The following SMOC1 variants were observed in gnomAD, a reference collection of about 807,000 sequenced individuals.
SMOC1 encodes the protein SPARC related modular calcium binding 1, also known as SPARC-related modular calcium-binding protein 1.
SMOC1 carries 22 observed loss-of-function variants against 56.3 expected under a neutral mutation model. The observed-to-expected ratio is 0.39, with a 90% confidence interval of 0.28 to 0.56. The LOEUF is 0.56. SMOC1 is among the 20% of genes least tolerant of loss of function. SMOC1 has a pLI of 0.61. For missense variants in SMOC1, 509 were observed against 565.4 expected, an observed-to-expected ratio of 0.90 and a Z score of 1.01; for synonymous variants, 193 against 215.0, an observed-to-expected ratio of 0.90 and a Z score of 0.89.
chr14:69,897,748 A>G (rs902579074), intron 1 of SMOC1, among the ~76,000 whole-genome samples: 46 of 152,298 alleles, frequency 3.0e-4, no homozygotes, highest in African/African-American at 9.6e-4. Flanking sequence ...TATTTAACTT[A>G]TATGTAAGCT....
chr14:69,936,355 G>A (rs1343282703), intron 1 of SMOC1, among the ~76,000 whole-genome samples: 1 of 152,244 alleles, frequency 6.6e-6, no homozygotes, highest in African/African-American at 2.4e-5. Flanking sequence ...GGGAGACTAC[G>A]TGGTGAGGAT....
intron 7 of SMOC1, among the ~76,000 whole-genome samples, chr14:69,998,183 G>A (rs753812871): frequency 6.6e-6 from 1 of 152,094 alleles, no homozygotes; most frequent in Non-Finnish European, 1.5e-5. Flanking sequence ...AGTCAGTGTC[G>A]CCTTTTGAGT....
chr14:69,992,302 C>G (rs574634009), intron 5 of SMOC1, 115 bp from the exon 6 acceptor site: 6 of 918,022 alleles, frequency 6.5e-6, no homozygotes, highest in Admixed American at 1.9e-5. Context: ...GTTCTCTTCA[C>G]TGGGACTTGG....
chr14:69,891,216 G>A (rs1417917622), intron 1 of SMOC1, among the ~76,000 whole-genome samples: 1 of 152,202 alleles, frequency 6.6e-6, no homozygotes, highest in African/African-American at 2.4e-5. Flanking sequence ...AGTGATGAAT[G>A]CTGTGTGGAG....
At chr14:69,993,948 C>T (rs973819895) in intron 6 of SMOC1, among the ~76,000 whole-genome samples, 5 of 152,330 alleles carry the variant, frequency 3.3e-5, no homozygotes, top group Middle Eastern at 3.4e-3. Flanking sequence ...GATTGAAGCA[C>T]ACATGAGACG....
chr14:70,024,655 T>A (rs1885857162), intron 11 of SMOC1, among the ~76,000 whole-genome samples: 1 of 151,888 alleles, frequency 6.6e-6, no homozygotes, highest in Non-Finnish European at 1.5e-5. Flanking sequence ...AAGGAAACAG[T>A]TTTCAATGAG....
chr14:70,001,629 G>T (rs1435475577), intron 7 of SMOC1, among the ~76,000 whole-genome samples: 2 of 152,196 alleles, frequency 1.3e-5, no homozygotes, highest in East Asian at 1.9e-4. Flanking sequence ...TTGAGGAGAC[G>T]GGTCATTCAC....
In SMOC1 at chr14:69,925,454, A is replaced by G. The variant is rs146266437; in HGVS notation, c.100-26684A>G. Among the ~76,000 whole-genome samples, 1,415 of 152,158 alleles carry G rather than the reference A, an allele frequency of 9.3e-3. 13 individuals carry two copies. Among genetic ancestry groups the G allele is most frequent in the Non-Finnish European group, 0.015 (1,029 of 67,980 alleles). ...GTGCTCAAATGTCACCTCCTCCCCTAGAGTCTCTTTGCAATCACAGGATCC... is the reference window on the plus strand; with the variant it reads ...GTGCTCAAATGTCACCTCCTCCCCTGGAGTCTCTTTGCAATCACAGGATCC... On this transcript the variant is annotated intron_variant, in intron 1 of 11. Coordinates refer to ENST00000361956, the MANE Select transcript of SMOC1 (RefSeq NM_001034852.3).
chr14:69,894,041 T>G (rs901126064), intron 1 of SMOC1, among the ~76,000 whole-genome samples: 1 of 152,162 alleles, frequency 6.6e-6, no homozygotes, highest in Admixed American at 6.5e-5. Context: ...ATCTTGAACT[T>G]CCAGCTTCAG....
At chr14:69,977,769 C>A (rs1884021630) in intron 4 of SMOC1, 149 bp from the exon 5 acceptor site, 4 of 724,200 alleles carry the variant, frequency 5.5e-6, no homozygotes, top group Admixed American at 2.0e-5. Flanking sequence ...TGTATATGTA[C>A]TAACATTGTA....
intron 5 of SMOC1, 25 bp from the exon 6 acceptor site, chr14:69,992,392 C>T (rs1009189229): frequency 6.8e-6 from 11 of 1,613,212 alleles, no homozygotes; most frequent in African/African-American, 5.3e-5. Flanking sequence ...AGTCTCCTTT[C>T]GATTCTTTTT....
intron 9 of SMOC1, among the ~76,000 whole-genome samples, chr14:70,012,920 G>T (rs763452297): frequency 1.3e-5 from 2 of 152,154 alleles, no homozygotes; most frequent in Non-Finnish European, 2.9e-5. Flanking sequence ...TGGATCTGGT[G>T]GTAGGTGTAC....
chr14:69,887,098 A>T (rs1369324641), intron 1 of SMOC1, among the ~76,000 whole-genome samples: 1 of 152,228 alleles, frequency 6.6e-6, no homozygotes, highest in African/African-American at 2.4e-5. Context: ...GGGAGGGCAG[A>T]TGAGTAAACT....
chr14:70,028,975 TCTC>T (rs1202548819), intron 11 of SMOC1, among the ~76,000 whole-genome samples: 1 of 152,148 alleles, frequency 6.6e-6, no homozygotes, highest in African/African-American at 2.4e-5. Flanking sequence ...CAAAGCCCTT[TCTC>T]CTCCTCCATG....
chr14:69,941,880 A>G (rs944992148), intron 1 of SMOC1, among the ~76,000 whole-genome samples: 3 of 152,250 alleles, frequency 2.0e-5, no homozygotes, highest in East Asian at 1.9e-4. Context: ...TCCCTGAGAA[A>G]TTCTCCTGGA....
chr14:69,978,137 C>A, intron 5 of SMOC1, 172 bp downstream of exon 5: 1 of 684,504 alleles, frequency 1.5e-6, no homozygotes, highest in Non-Finnish European at 2.7e-6. Flanking sequence ...AAGTAAGGCT[C>A]ATACAGTGAT....
In SMOC1 at chr14:70,011,500, T is replaced by C; in HGVS notation, c.873T>C (p.Ser291=). The C allele has an allele frequency of 2.0e-6, 3 of 1,514,624 alleles. No individual in the cohort carries two copies. Among genetic ancestry groups the C allele is most frequent in the Non-Finnish European group, 1.8e-6 (2 of 1,118,770 alleles). The allele number at this position is 1,514,624 out of a possible 1,614,324, so 93.8% of individuals were successfully genotyped here. Residue 291 remains serine, a synonymous_variant, in exon 9 of 12, where the codon AGT becomes AGC. Coordinates refer to ENST00000361956, the MANE Select transcript of SMOC1 (RefSeq NM_001034852.3). ...PGTSTRYVMP[S]CESDARAKTT... Reference sequence around the variant, plus strand: ...CTTTTCCCAGCTACGTGATGCCCAGTTGTGAGAGCGACGCCAGGGCCAAGA... The same window carrying C: ...CTTTTCCCAGCTACGTGATGCCCAGCTGTGAGAGCGACGCCAGGGCCAAGA...
intron 1 of SMOC1, among the ~76,000 whole-genome samples, chr14:69,905,161 G>T (rs772392022): frequency 1.2e-4 from 19 of 152,172 alleles, no homozygotes; most frequent in African/African-American, 4.6e-4. Flanking sequence ...GGGAAGAGGT[G>T]CTATGGCAAC....
chr14:69,913,745 GA>G (rs760068991), intron 1 of SMOC1, among the ~76,000 whole-genome samples: 1 of 152,180 alleles, frequency 6.6e-6, no homozygotes, highest in South Asian at 2.1e-4. Flanking sequence ...GAAGCAAGAG[GA>G]AATCAATTTC....
Sources: gnomAD v4.1 joint callset for allele counts (sites outside exome capture counted in the v4.1 genomes callset) on GRCh38, gnomAD v4.1.1 for gene constraint, MANE v1.5 for transcripts, NCBI Gene and HGNC (gene_info 2026-07-23, HGNC 2026-07-21) for gene names.